The following RAD1 variants were observed in gnomAD, a reference collection of about 807,000 sequenced individuals.
RAD1 encodes cell cycle checkpoint protein RAD1.
Under a neutral mutation model 30.0 loss-of-function variants are expected in RAD1, and 21 were observed. The observed-to-expected ratio is 0.70, with a 90% CI of 0.50 to 1.01. RAD1 has a LOEUF of 1.01. Among genes scored for constraint, RAD1 ranks in the 50% least tolerant of loss-of-function variants. The probability of loss-of-function intolerance (pLI) is 0.00; values close to 1 mark genes in which losing one functional copy is unlikely to be tolerated. For synonymous variants in RAD1, 109 were observed against 113.6 expected, an observed-to-expected ratio of 0.96 and a Z score of 0.26; for missense variants, 329 against 329.0, an observed-to-expected ratio of 1.00 and a Z score of 0.00.
In RAD1 at chr5:34,905,926, G is replaced by A. The variant is rs1185873448; in HGVS notation, c.*2839C>T. 6.6e-6 allele frequency: 1 copy of A among 152,086 alleles called. No homozygotes were observed. Among genetic ancestry groups the A allele is most frequent in the Non-Finnish European group, 1.5e-5 (1 of 67,984 alleles). 9.4% of individuals were successfully genotyped at this position (152,086 alleles called of 1,614,324 possible). A position where few individuals can be genotyped will look rare whatever the true frequency, so the allele number is the denominator to read the frequency against. On this transcript the variant is annotated 3_prime_UTR_variant, in exon 6 of 6. Transcript: ENST00000382038. The stretch of plus-strand genomic sequence containing the variant: ...AGTCTTTGAATTCTAAATAGCTGAA[G>A]ACATGCAGCTAAAACAATAATTTTT...
intron 1 of RAD1, 163 bp downstream of exon 1, chr5:34,915,253 C>A: frequency 3.3e-6 from 1 of 302,048 alleles, no homozygotes; most frequent in Non-Finnish European, 6.2e-6. Flanking sequence ...CGGTTTTGTG[C>A]AGCCCGCGCC....
At chr5:34,912,854 A>G (rs1429103400) in intron 3 of RAD1, among the ~76,000 whole-genome samples, 1 of 152,140 alleles carries the variant, frequency 6.6e-6, no homozygotes, top group Non-Finnish European at 1.5e-5. Context: ...ACAAAAAATT[A>G]GCCGGGCGTG....
intron 2 of RAD1, 25 bp downstream of exon 2, chr5:34,914,670 G>A (rs1185367476): frequency 6.8e-6 from 11 of 1,611,284 alleles, no homozygotes; most frequent in Non-Finnish European, 9.3e-6. Flanking sequence ...CTATGGCACA[G>A]GCTTAAAGGC....
Position 34,911,739 on chromosome 5 carries a change from T to C in RAD1, c.381A>G (p.Gly127=), listed in dbSNP as rs138475458. The change falls in exon 4 of 6, where the codon GGA becomes GGG. Residue 127 remains glycine (G), a synonymous_variant. Transcript: ENST00000382038. The part of the protein sequence containing the change: ...YPLMLFLEEG[G]VVTVCKINTQ... ...TATTGATTTTGCAGACTGTCACCAC[T>C]CCTCCTTCTTCCAGGAACAGCATCA... 82 of 1,614,040 alleles carry C rather than the reference T, an allele frequency of 5.1e-5. No individual in the cohort carries two copies. Among genetic ancestry groups the C allele is most frequent in the Non-Finnish European group, 6.5e-5 (77 of 1,180,024 alleles).
chr5:34,911,883 C>T (rs1370650609), intron 3 of RAD1, 71 bp from the exon 4 acceptor site: 2 of 1,514,382 alleles, frequency 1.3e-6, no homozygotes, highest in Non-Finnish European at 1.8e-6. Context: ...CGAAATGATA[C>T]ATAAAATTTC....
At chr5:34,909,228 C>T (rs1271979038) in intron 5 of RAD1, 30 bp downstream of exon 5, 1 of 1,472,600 alleles carries the variant, frequency 6.8e-7, no homozygotes, top group Non-Finnish European at 9.4e-7. Context: ...CTCTTTATCA[C>T]CAATGACAAC....
chr5:34,906,699 A>G lies in RAD1; in HGVS notation c.*2066T>C, dbSNP rs1353512781. 6.6e-6 allele frequency: 1 copy of G among 152,220 alleles called. No homozygotes were observed. The highest frequency in any genetic ancestry group is 2.4e-5 in the African/African-American group (1 of 41,456). 9.4% of individuals were successfully genotyped at this position (152,220 alleles called of 1,614,324 possible). A position where few individuals can be genotyped will look rare whatever the true frequency, so the allele number is the denominator to read the frequency against. On this transcript the variant is annotated 3_prime_UTR_variant, in exon 6 of 6. Transcript: ENST00000382038. The stretch of plus-strand genomic sequence containing the variant: ...ATTTAGAGCTAAATCATCAGAATTA[A>G]GTAGTGACTAATAAGATGCTAAAAG...
In RAD1 at chr5:34,915,477, G is replaced by C; in HGVS notation, c.-131C>G. On this transcript the variant is annotated 5_prime_UTR_variant, in exon 1 of 6. Coordinates refer to ENST00000382038, the MANE Select transcript of RAD1 (RefSeq NM_002853.4). ...CAGCAAAGTCCCTGAAGAGGAGCGAGGCGGCTCCGAGGAACCGCGGAGGAA... is the reference window on the plus strand; with the variant it reads ...CAGCAAAGTCCCTGAAGAGGAGCGACGCGGCTCCGAGGAACCGCGGAGGAA... The C allele has an allele frequency of 2.4e-6, 1 of 408,644 alleles. No individual in the cohort carries two copies. Among genetic ancestry groups the C allele is most frequent in the Non-Finnish European group, 4.4e-6 (1 of 228,028 alleles). The allele number at this position is 408,644 out of a possible 1,614,324, so 25.3% of individuals were successfully genotyped here. A position where few individuals can be genotyped will look rare whatever the true frequency, so the allele number is the denominator to read the frequency against.
Position 34,908,172 on chromosome 5 carries a change from T to TC in RAD1, c.*592_*593insG, listed in dbSNP as rs1763710830. 3.6e-5 allele frequency: 2 copies of TC among 56,288 alleles called. No individual in the cohort carries two copies. Among genetic ancestry groups the TC allele is most frequent in the South Asian group, 1.6e-3 (2 of 1,228 alleles). The allele number at this position is 56,288 out of a possible 1,614,324, so 3.5% of individuals were successfully genotyped here. A position where few individuals can be genotyped will look rare whatever the true frequency, so the allele number is the denominator to read the frequency against. On this transcript the variant is annotated 3_prime_UTR_variant, in exon 6 of 6. Transcript: ENST00000382038. ...TGCATCAAACTTTAAGCCTTTAGAC[T>TC]TTTTTTTTTTTTTTTTTTGAGGCAG... is the stretch of plus-strand genomic sequence containing the variant.
chr5:34,905,799 T>C lies in RAD1; in HGVS notation c.*2966A>G, dbSNP rs962641506. 1 of 152,150 alleles carries C rather than the reference T, an allele frequency of 6.6e-6. No homozygotes were observed. Among genetic ancestry groups the C allele is most frequent in the Admixed American group, 6.5e-5 (1 of 15,274 alleles). The allele number at this position is 152,150 out of a possible 1,614,324, so 9.4% of individuals were successfully genotyped here. A position where few individuals can be genotyped will look rare whatever the true frequency, so the allele number is the denominator to read the frequency against. ...TTCCATAGGAAATAAAGTTAAACTT[T>C]TATTAAAGTAAAAATTCCTGGGTCA... On this transcript the variant is annotated 3_prime_UTR_variant, in exon 6 of 6. Coordinates refer to ENST00000382038, the MANE Select transcript of RAD1 (RefSeq NM_002853.4).
Position 34,907,328 on chromosome 5 carries a change from G to A in RAD1, c.*1437C>T, listed in dbSNP as rs1339622706. The A allele has an allele frequency of 6.6e-6, 1 of 152,158 alleles. No individual in the cohort carries two copies. 9.4% of individuals were successfully genotyped at this position (152,158 alleles called of 1,614,324 possible). ...TGGTCACAATGACTAGCATCAGTGG[G>A]TAAGGGCCAGAAAGGCTAAATGAAT... On this transcript the variant is annotated 3_prime_UTR_variant, in exon 6 of 6. Transcript: ENST00000382038.
Position 34,908,643 on chromosome 5 carries a change from A to G in RAD1, c.*122T>C. On this transcript the variant is annotated 3_prime_UTR_variant, in exon 6 of 6. Transcript: ENST00000382038. ...TATTAGGGTACATGACCTTGCTCCT[A>G]TCTTCCCCATTGTGCTTCTTCTCTA... The G allele has an allele frequency of 2.3e-6, 2 of 866,644 alleles. No individual in the cohort carries two copies. The highest frequency in any genetic ancestry group is 1.9e-5 in the South Asian group (1 of 52,828). The allele number at this position is 866,644 out of a possible 1,614,324, so 53.7% of individuals were successfully genotyped here.
rs751196752 is a variant in RAD1, at chr5:34,911,477, T to C, written c.566+77A>G. On this transcript the variant is annotated intron_variant, in intron 4 of 5. Transcript: ENST00000382038. The stretch of plus-strand genomic sequence containing the variant: ...TCTAAAAATGTGGATAATAAAAATT[T>C]TGCATCCTAAGCAAATGTCTAAGTG... 9.9e-6 allele frequency: 15 copies of C among 1,512,498 alleles called. 1 individual carries two copies. In the Middle Eastern group the frequency reaches 1.3e-3, roughly 134 times the overall value. 93.7% of individuals were successfully genotyped at this position (1,512,498 alleles called of 1,614,324 possible). A position where few individuals can be genotyped will look rare whatever the true frequency, so the allele number is the denominator to read the frequency against.
intron 4 of RAD1, among the ~76,000 whole-genome samples, 154 bp from the exon 5 acceptor site, chr5:34,909,510 A>T (rs901642895): frequency 6.6e-6 from 1 of 152,242 alleles, no homozygotes; most frequent in African/African-American, 2.4e-5. Context: ...GTACCATAAT[A>T]AAGCTCCCAC....
intron 1 of RAD1, 114 bp downstream of exon 1, chr5:34,915,302 G>A (rs1297523688): frequency 3.7e-6 from 1 of 267,350 alleles, no homozygotes; most frequent in East Asian, 8.9e-5. Flanking sequence ...ATGGCGGGGC[G>A]GGCCCGGAGT....
At chr5:34,909,227 A>G in intron 5 of RAD1, 31 bp downstream of exon 5, 1 of 1,463,506 alleles carries the variant, frequency 6.8e-7, no homozygotes, top group Non-Finnish European at 9.4e-7. Flanking sequence ...CCTCTTTATC[A>G]CCAATGACAA....
In RAD1 at chr5:34,908,756, T is replaced by C. The variant is rs1007489892; in HGVS notation, c.*9A>G. On this transcript the variant is annotated 3_prime_UTR_variant, in exon 6 of 6. Transcript: ENST00000382038. ...AAATGTACACATAAATATCAGTGAA[T>C]TGTCATACTCAAGACTCAGATTCAG... 7.6e-6 allele frequency: 12 copies of C among 1,583,886 alleles called. No homozygotes were observed. Among genetic ancestry groups the C allele is most frequent in the Non-Finnish European group, 1.0e-5 (12 of 1,163,600 alleles).
Position 34,909,270 on chromosome 5 carries a change from G to A in RAD1, c.653C>T (p.Thr218Ile). The change falls in exon 5 of 6, where the codon ACC becomes ATC. Residue 218 changes from threonine to isoleucine, a missense_variant. Coordinates refer to ENST00000382038, the MANE Select transcript of RAD1 (RefSeq NM_002853.4). ...DLMEAFHCNQ[T>I]QVNRYKISLL... ...ATTAAGAACTGACCTGTTGACTTGG[G>A]TCTGATTACAATGAAATGCTTCCAT... 6.2e-7 allele frequency: 1 copy of A among 1,607,112 alleles called. No individual in the cohort carries two copies. The highest frequency in any genetic ancestry group is 1.3e-5 in the African/African-American group (1 of 74,886).
chr5:34,911,160 C>T (rs1312924578), intron 4 of RAD1, among the ~76,000 whole-genome samples: 5 of 152,202 alleles, frequency 3.3e-5, no homozygotes, highest in Non-Finnish European at 5.9e-5. Context: ...GAATGAGCCA[C>T]GTGTAGAAAA....
Sources: gnomAD v4.1 joint callset for allele counts (sites outside exome capture counted in the v4.1 genomes callset) on GRCh38, gnomAD v4.1.1 for gene constraint, MANE v1.5 for transcripts, NCBI Gene and HGNC (gene_info 2026-07-23, HGNC 2026-07-21) for gene names.